WWP2: variants seen among roughly 807,000 people sequenced by gnomAD.
WWP2 encodes WW domain containing E3 ubiquitin protein ligase 2, also known as NEDD4-like E3 ubiquitin-protein ligase WWP2.
In WWP2, 57 loss-of-function variants were observed where a neutral mutation model predicts 121.0. That is an observed-to-expected ratio of 0.47 (90% CI 0.38 to 0.59). The LOEUF is 0.59. Ranked by LOEUF, WWP2 falls within the 20% of genes least tolerant of loss-of-function variation. The pLI is 0.00. For missense variants in WWP2, 962 were observed against 1,158.9 expected (o/e 0.83, Z 2.47); for synonymous variants, 449 against 441.3 (o/e 1.02, Z -0.22).
intron 6 of WWP2, among the ~76,000 whole-genome samples, chr16:69,866,575 C>T (rs2057528624): frequency 1.3e-5 from 2 of 152,038 alleles, no homozygotes; most frequent in Admixed American, 1.3e-4. Context: ...GTCTTTTTGC[C>T]ACGGGCTTCT....
intron 7 of WWP2, among the ~76,000 whole-genome samples, chr16:69,875,090 C>T (rs1265460582): frequency 1.3e-5 from 2 of 151,944 alleles, no homozygotes; most frequent in African/African-American, 4.8e-5. Flanking sequence ...TACAGACACA[C>T]CTTCAAGATA....
chr16:69,824,724 G>A (rs1207762913), intron 4 of WWP2, among the ~76,000 whole-genome samples: 3 of 151,260 alleles, frequency 2.0e-5, no homozygotes, highest in Non-Finnish European at 2.9e-5. Flanking sequence ...AAATCAAAGG[G>A]CAGAGCTTTG....
intron 4 of WWP2, among the ~76,000 whole-genome samples, chr16:69,812,677 G>A (rs963294607): frequency 6.6e-6 from 1 of 151,932 alleles, no homozygotes; most frequent in Non-Finnish European, 1.5e-5. Flanking sequence ...CCCTCAACTT[G>A]GGGCTGTCTG....
chr16:69,827,965 G>C (rs1197894276), intron 4 of WWP2: 2 of 451,676 alleles, frequency 4.4e-6, no homozygotes, highest in Non-Finnish European at 4.4e-6. Context: ...TTTGTATCTT[G>C]TTTTAAGAGG....
chr16:69,774,169 G>T (rs905998011), intron 1 of WWP2, among the ~76,000 whole-genome samples: 1 of 152,074 alleles, frequency 6.6e-6, no homozygotes, highest in Non-Finnish European at 1.5e-5. Context: ...AATTACATCT[G>T]TTATCTTATT....
intron 2 of WWP2, among the ~76,000 whole-genome samples, chr16:69,789,784 G>A (rs2055870175): frequency 6.6e-6 from 1 of 152,182 alleles, no homozygotes; most frequent in African/African-American, 2.4e-5. Flanking sequence ...TGTGTTCTCA[G>A]TGTAGTTTTA....
chr16:69,902,896 A>G (rs2058227401), intron 8 of WWP2, among the ~76,000 whole-genome samples: 2 of 152,310 alleles, frequency 1.3e-5, no homozygotes, highest in South Asian at 4.1e-4. Flanking sequence ...ATTTGTGTGA[A>G]TTATGAATAG....
At chr16:69,785,535 A>G (rs974935932) in intron 1 of WWP2, among the ~76,000 whole-genome samples, 5 of 152,238 alleles carry the variant, frequency 3.3e-5, no homozygotes, top group African/African-American at 1.2e-4. Flanking sequence ...AAAATCACAT[A>G]CAAGTAAAAG....
chr16:69,846,839 G>A (rs2057090474), intron 6 of WWP2, among the ~76,000 whole-genome samples: 1 of 152,042 alleles, frequency 6.6e-6, no homozygotes, highest in Admixed American at 6.6e-5. Flanking sequence ...CTAAGATACT[G>A]GTCATGTTGT....
intron 23 of WWP2, 42 bp from the exon 24 acceptor site, chr16:69,939,799 G>A (rs1225470125): frequency 6.4e-7 from 1 of 1,562,720 alleles, no homozygotes. Context: ...TCAGAGCCCT[G>A]GCCTCCTAGG....
At chr16:69,868,971 T>C (rs1366804886) in intron 6 of WWP2, among the ~76,000 whole-genome samples, 1 of 152,188 alleles carries the variant, frequency 6.6e-6, no homozygotes, top group African/African-American at 2.4e-5. Context: ...CACTGCGACC[T>C]CCACCTCCCG....
At chr16:69,858,312 A>G (rs905180616) in intron 6 of WWP2, among the ~76,000 whole-genome samples, 1 of 151,990 alleles carries the variant, frequency 6.6e-6, no homozygotes, top group Non-Finnish European at 1.5e-5. Context: ...TGCCTCATTC[A>G]TCTTTGTGTC....
chr16:69,840,293 G>A, intron 5 of WWP2, 30 bp downstream of exon 5: 1 of 1,612,516 alleles, frequency 6.2e-7, no homozygotes, highest in South Asian at 1.1e-5. Flanking sequence ...TCAGGACTGT[G>A]CCGGGACAGG....
rs193097376 is a variant in WWP2 at position 69,915,306 on chromosome 16, T to C, written c.1005-2403T>C. Among the ~76,000 whole-genome samples the C allele has an allele frequency of 3.3e-5, 5 of 152,358 alleles. No individual in the cohort carries two copies. The East Asian group carries it at 5.8e-4, about 18-fold the overall frequency. On this transcript the variant is annotated intron_variant, in intron 9 of 23. Coordinates refer to ENST00000359154, the MANE Select transcript of WWP2 (RefSeq NM_001270454.2). ...ATATTGATTTAACGGTGAGTTTCCATATTGAGAGGACGAGGGGAGGAGATA... is the reference window on the plus strand; with the variant it reads ...ATATTGATTTAACGGTGAGTTTCCACATTGAGAGGACGAGGGGAGGAGATA...
intron 4 of WWP2, among the ~76,000 whole-genome samples, chr16:69,834,307 G>A (rs1258827933): frequency 1.3e-5 from 2 of 152,040 alleles, no homozygotes; most frequent in Non-Finnish European, 2.9e-5. Context: ...GCACCTCTGG[G>A]CTTGCTTTTT....
At chr16:69,819,001 T>C (rs1207327058) in intron 4 of WWP2, among the ~76,000 whole-genome samples, 1 of 152,146 alleles carries the variant, frequency 6.6e-6, no homozygotes, top group Non-Finnish European at 1.5e-5. Context: ...TCCCACAGCT[T>C]TCTACATCTT....
intron 1 of WWP2, among the ~76,000 whole-genome samples, chr16:69,775,939 C>T (rs913872081): frequency 6.6e-6 from 1 of 152,196 alleles, no homozygotes; most frequent in Non-Finnish European, 1.5e-5. Flanking sequence ...TCTGAGGCTT[C>T]AAATTCCTCT....
At chr16:69,846,365 G>GA (rs1431003353) in intron 6 of WWP2, among the ~76,000 whole-genome samples, 1 of 152,102 alleles carries the variant, frequency 6.6e-6, no homozygotes, top group Non-Finnish European at 1.5e-5. Context: ...GTAGAAAGTT[G>GA]AAAAATGCAA....
At chr16:69,835,245 G>A (rs898634516) in intron 4 of WWP2, among the ~76,000 whole-genome samples, 3 of 152,128 alleles carry the variant, frequency 2.0e-5, no homozygotes, top group Non-Finnish European at 4.4e-5. Context: ...GAGGTGAGGT[G>A]GCTAAGACTG....
Sources: gnomAD v4.1 joint callset for allele counts (sites outside exome capture counted in the v4.1 genomes callset) on GRCh38, gnomAD v4.1.1 for gene constraint, MANE v1.5 for transcripts, NCBI Gene and HGNC (gene_info 2026-07-23, HGNC 2026-07-21) for gene names.